The following VAV2 variants were observed in gnomAD, a reference collection of about 807,000 sequenced individuals.
VAV2 encodes guanine nucleotide exchange factor VAV2.
In VAV2, 67 loss-of-function variants were observed where a neutral mutation model predicts 132.5. The observed-to-expected ratio is 0.51, with a 90% confidence interval of 0.42 to 0.62. VAV2 has a LOEUF of 0.62. Ranked by LOEUF, VAV2 falls within the 20% of genes least tolerant of loss-of-function variation. The pLI, the probability that VAV2 is intolerant of heterozygous loss-of-function variation, is 0.00. For missense variants in VAV2, 938 were observed against 1,153.6 expected (o/e 0.81, Z 2.71); for synonymous variants, 492 against 443.5 (o/e 1.11, Z -1.37).
chr9:133,896,176 C>CG (rs1448834242), intron 2 of VAV2, among the ~76,000 whole-genome samples: 1 of 152,180 alleles, frequency 6.6e-6, no homozygotes, highest in Admixed American at 6.5e-5. Flanking sequence ...GTTAGTAGGT[C>CG]GGGCGCAGTG....
rs142285727 is a variant in VAV2 at position 133,811,531 on chromosome 9, C to T, written c.552+583G>A. On this transcript the variant is annotated intron_variant, in intron 5 of 29. Coordinates refer to ENST00000371850, the MANE Select transcript of VAV2 (RefSeq NM_001134398.2). ...GGTCCCTGTCTCCTCATTCCAGCTC[C>T]GCTGGATCCCCACCTTCCACATAGC... Among the ~76,000 whole-genome samples the T allele has an allele frequency of 7.8e-3, 1,187 of 152,362 alleles. 26 individuals are homozygous for T. Among genetic ancestry groups the T allele is most frequent in the Admixed American group, 0.044 (670 of 15,306 alleles).
intron 12 of VAV2, among the ~76,000 whole-genome samples, chr9:133,795,351 G>A (rs1260683641): frequency 2.6e-5 from 4 of 152,168 alleles, no homozygotes; most frequent in African/African-American, 9.7e-5. Context: ...GAGAAGCACT[G>A]GGCCAGAAAG....
intron 2 of VAV2, among the ~76,000 whole-genome samples, chr9:133,888,891 C>G (rs1293084261): frequency 6.6e-6 from 1 of 152,212 alleles, no homozygotes; most frequent in African/African-American, 2.4e-5. Flanking sequence ...TGACACTTAC[C>G]CCAATTACAG....
intron 1 of VAV2, among the ~76,000 whole-genome samples, chr9:133,987,171 A>G (rs148199312): frequency 1.3e-5 from 2 of 152,294 alleles, no homozygotes; most frequent in East Asian, 3.9e-4. Flanking sequence ...TGCTCCAGAC[A>G]CACTGGGTCT....
chr9:133,846,814 G>A (rs1034595850), intron 3 of VAV2, among the ~76,000 whole-genome samples: 7 of 152,216 alleles, frequency 4.6e-5, no homozygotes, highest in African/African-American at 1.2e-4. Context: ...ATGACTGGCC[G>A]ACGGGCGGCA....
intron 2 of VAV2, among the ~76,000 whole-genome samples, chr9:133,903,388 C>T (rs574985821): frequency 2.0e-5 from 3 of 152,312 alleles, no homozygotes; most frequent in East Asian, 3.9e-4. Flanking sequence ...CACCCTGCAC[C>T]GGGATTCCCT....
chr9:133,785,956 C>T, intron 16 of VAV2, 71 bp from the exon 17 acceptor site: 1 of 1,372,930 alleles, frequency 7.3e-7, no homozygotes. Context: ...TCCACGTGTA[C>T]TCTCGCCTGT....
At chr9:133,972,418 G>C (rs532747295) in intron 1 of VAV2, among the ~76,000 whole-genome samples, 1 of 152,222 alleles carries the variant, frequency 6.6e-6, no homozygotes, top group African/African-American at 2.4e-5. Context: ...AACACACTGC[G>C]TCATTAGCTA....
chr9:133,965,696 T>C (rs1466067736), intron 1 of VAV2, among the ~76,000 whole-genome samples: 1 of 152,096 alleles, frequency 6.6e-6, no homozygotes, highest in Non-Finnish European at 1.5e-5. Flanking sequence ...AATTTGAAAA[T>C]GACCACACTA....
At position 133,961,268 on chromosome 9, in the gene VAV2, G is replaced by A. The variant is rs1309568167; in HGVS notation, c.205-22049C>T. 1.3e-5 allele frequency among the ~76,000 whole-genome samples: 2 copies of A among 152,232 alleles called. No homozygotes were observed. The highest frequency in any genetic ancestry group is 2.9e-5 in the Non-Finnish European group (2 of 68,036). On this transcript the variant is annotated intron_variant, in intron 1 of 29. Coordinates refer to ENST00000371850, the MANE Select transcript of VAV2 (RefSeq NM_001134398.2). The surrounding 1 kb of genome is among the most constrained non-coding windows in gnomAD (Gnocchi z 4.1). ...AAGAGTAGGGTTCCTCACTCTCAGA[G>A]CAGACCTCCCAGGGACCCCCGGCCA...
chr9:133,880,052 C>T (rs1365008695), intron 2 of VAV2, among the ~76,000 whole-genome samples: 1 of 152,242 alleles, frequency 6.6e-6, no homozygotes, highest in Non-Finnish European at 1.5e-5. Context: ...ACAAGGCCAT[C>T]TGGAAGTAGA....
chr9:133,808,218 C>A (rs1327828024), intron 7 of VAV2, among the ~76,000 whole-genome samples: 2 of 152,204 alleles, frequency 1.3e-5, no homozygotes, highest in Admixed American at 6.5e-5. Context: ...CTGGAAGGAC[C>A]TGGGCCAGGG....
rs76889789 is a variant in VAV2 at position 133,911,714 on chromosome 9, C to G, written c.321+27389G>C. On this transcript the variant is annotated intron_variant, in intron 2 of 29. Transcript: ENST00000371850. ...CATCAACCTCCTGACCTCTGCATCA[C>G]ACACACACTAAAGACGCCATGTCCA... 2.3e-3 allele frequency among the ~76,000 whole-genome samples: 345 copies of G among 152,320 alleles called. 1 individual carries two copies. The highest frequency in any genetic ancestry group is 8.1e-3 in the African/African-American group (336 of 41,572).
chr9:133,867,364 C>T (rs1837848046), intron 2 of VAV2, among the ~76,000 whole-genome samples: 1 of 152,238 alleles, frequency 6.6e-6, no homozygotes, highest in Non-Finnish European at 1.5e-5. Context: ...GACCCAATCA[C>T]CCTGCACTTG....
intron 4 of VAV2, among the ~76,000 whole-genome samples, chr9:133,818,091 G>A (rs561713931): frequency 2.4e-4 from 37 of 152,280 alleles, no homozygotes; most frequent in South Asian, 8.3e-4. Context: ...GCGGCCGGGC[G>A]CGGCGGCTCA....
intron 1 of VAV2, among the ~76,000 whole-genome samples, chr9:133,952,818 G>A (rs1841606178): frequency 6.6e-6 from 1 of 152,116 alleles, no homozygotes; most frequent in Non-Finnish European, 1.5e-5. Context: ...AGAGCCTGCA[G>A]AGGTTGCACA....
At chr9:133,932,470 A>AAG (rs1840721384) in intron 2 of VAV2, among the ~76,000 whole-genome samples, 1 of 152,218 alleles carries the variant, frequency 6.6e-6, no homozygotes, top group African/African-American at 2.4e-5. Context: ...AAGCAGCCAG[A>AAG]AGAGAAACAC....
intron 7 of VAV2, among the ~76,000 whole-genome samples, chr9:133,808,823 G>A (rs992852330): frequency 6.6e-6 from 1 of 152,218 alleles, no homozygotes; most frequent in Non-Finnish European, 1.5e-5. Context: ...AGGGACAGGC[G>A]CAGGCCGGGA....
At chr9:133,939,328 A>G (rs1564482736) in intron 1 of VAV2, 109 bp from the exon 2 acceptor site, 1 of 936,628 alleles carries the variant, frequency 1.1e-6, no homozygotes, top group East Asian at 2.4e-5. Flanking sequence ...GCGCCAGCAC[A>G]TCCAAGCTCA....
Sources: allele counts gnomAD v4.1 joint callset (sites outside exome capture counted in the v4.1 genomes callset), GRCh38; gene constraint gnomAD v4.1.1; non-coding constraint Gnocchi (gnomAD v3.1); transcripts MANE v1.5; gene names NCBI Gene and HGNC (gene_info 2026-07-23, HGNC 2026-07-21).